GPHN: variants seen among roughly 807,000 people sequenced by gnomAD.
GPHN encodes gephyrin.
A neutral mutation model predicts 95.5 loss-of-function variants in GPHN; 17 were observed. The ratio of observed to expected loss-of-function variants is 0.18; its 90% confidence interval spans 0.12 to 0.27. GPHN has a LOEUF of 0.27. Among genes scored for constraint, GPHN ranks in the 10% least tolerant of loss-of-function variants. The probability of loss-of-function intolerance (pLI) is 1.00; values close to 1 mark genes in which losing one functional copy is unlikely to be tolerated. For synonymous variants in GPHN, 320 were observed against 322.5 expected (o/e 0.99, Z 0.08); for missense variants, 660 against 978.1 (o/e 0.67, Z 4.34).
chr14:66,946,747 A>C (rs905274590), intron 8 of GPHN, among the ~76,000 whole-genome samples: 1 of 152,176 alleles, frequency 6.6e-6, no homozygotes, highest in Non-Finnish European at 1.5e-5. Flanking sequence ...AGTATATTAT[A>C]ACTGTTAGTA....
chr14:66,695,818 A>G (rs572572320), intron 2 of GPHN, among the ~76,000 whole-genome samples: 111 of 152,354 alleles, frequency 7.3e-4, no homozygotes, highest in Non-Finnish European at 1.5e-3. Context: ...AACTATGAAG[A>G]TAGTAAAAGA....
chr14:66,527,554 A>G (rs760505526), intron 1 of GPHN, among the ~76,000 whole-genome samples: 2 of 151,746 alleles, frequency 1.3e-5, no homozygotes. Context: ...TTTAATTGTG[A>G]TGTTAGGGTA....
At chr14:66,756,458 A>T (rs2058557995) in intron 2 of GPHN, among the ~76,000 whole-genome samples, 1 of 152,178 alleles carries the variant, frequency 6.6e-6, no homozygotes, top group Non-Finnish European at 1.5e-5. Flanking sequence ...GAGGGCCAAC[A>T]GAACTCGAGC....
chr14:67,468,561 T>C, the GPHN span, among the ~76,000 whole-genome samples: 1 of 151,914 alleles, frequency 6.6e-6, no homozygotes, highest in South Asian at 2.1e-4. Flanking sequence ...GCCCTTTGGA[T>C]TGGGTGAGGG....
Position 66,740,663 on chromosome 14 carries a change from T to G in GPHN, c.144-35801T>G, listed in dbSNP as rs2072724808. On this transcript the variant is annotated intron_variant, in intron 2 of 22. Coordinates refer to ENST00000478722, the MANE Select transcript of GPHN (RefSeq NM_020806.5). ...TTCCTGTGGTAAGTGCTTATCATAT[T>G]TTTAAAATGACTGATATTTGGCTCT... Among the ~76,000 whole-genome samples, 8 of 152,320 alleles carry G rather than the reference T, an allele frequency of 5.3e-5. No individual in the cohort carries two copies. The South Asian group carries it at 1.7e-3, about 32-fold the overall frequency.
chr14:67,387,416 A>G, the GPHN span: 2 of 1,610,188 alleles, frequency 1.2e-6, no homozygotes, highest in South Asian at 2.2e-5. Flanking sequence ...CATCCTTAGT[A>G]ATCACTTTGA....
At chr14:67,722,741 G>A in the GPHN span, 144 of 1,571,572 alleles carry the variant, frequency 9.2e-5, no homozygotes, top group Non-Finnish European at 1.1e-4. Flanking sequence ...TCAAACAATC[G>A]TTTACAAAGA....
chr14:67,421,659 A>G, the GPHN span, among the ~76,000 whole-genome samples: 149,812 of 152,322 alleles, frequency 0.98, 73,693 homozygotes, highest in East Asian at 1. Flanking sequence ...GATCCTAGCC[A>G]TTAACTCACC....
At chr14:67,225,962 T>TGTGTGCGCGC in the GPHN span, among the ~76,000 whole-genome samples, 8 of 113,518 alleles carry the variant, frequency 7.0e-5, no homozygotes, top group African/African-American at 3.6e-4. Flanking sequence ...TGTGTGTGTG[T>TGTGTGCGCGC]GCGCGCGCGC....
At chr14:67,542,676 C>CTATTTTATTT in the GPHN span, among the ~76,000 whole-genome samples, 37 of 151,870 alleles carry the variant, frequency 2.4e-4, no homozygotes, top group East Asian at 1.9e-3. Flanking sequence ...AGATAACATT[C>CTATTTTATTT]TATTTTATTT....
the GPHN span, chr14:67,724,694 C>T: frequency 2.2e-6 from 2 of 914,130 alleles, no homozygotes; most frequent in African/African-American, 1.6e-5. Context: ...GGCTTGGGGG[C>T]TCTGACTAGA....
the GPHN span, among the ~76,000 whole-genome samples, chr14:67,684,334 G>T: frequency 6.6e-6 from 1 of 152,102 alleles, no homozygotes; most frequent in African/African-American, 2.4e-5. Context: ...TGTGATGCCT[G>T]GGATTTGCTT....
the GPHN span, among the ~76,000 whole-genome samples, chr14:67,328,433 G>C: frequency 2.0e-5 from 3 of 152,188 alleles, no homozygotes; most frequent in Non-Finnish European, 4.4e-5. Context: ...TCTGTAGGTT[G>C]CCTATTCACT....
the GPHN span, among the ~76,000 whole-genome samples, chr14:67,260,484 A>G: frequency 6.6e-6 from 1 of 152,242 alleles, no homozygotes; most frequent in Non-Finnish European, 1.5e-5. Context: ...GGGGCTTGCA[A>G]TTAATAGACA....
intron 1 of GPHN, among the ~76,000 whole-genome samples, chr14:66,521,933 G>C (rs2058500156): frequency 6.6e-6 from 1 of 152,086 alleles, no homozygotes; most frequent in African/African-American, 2.4e-5. Flanking sequence ...CTGAAGTCTT[G>C]ATGCCTTTTT....
At chr14:66,811,464 T>A (rs2060758936) in intron 3 of GPHN, among the ~76,000 whole-genome samples, 1 of 152,032 alleles carries the variant, frequency 6.6e-6, no homozygotes, top group African/African-American at 2.4e-5. Context: ...TACTTTTTTG[T>A]TGATTGAATT....
the GPHN span, chr14:67,302,266 A>T: frequency 9.2e-7 from 1 of 1,091,564 alleles, no homozygotes; most frequent in South Asian, 2.5e-5. Flanking sequence ...ATCTAATTAC[A>T]ATTACTCTAG....
At chr14:66,573,849 G>A (rs939869517) in intron 1 of GPHN, among the ~76,000 whole-genome samples, 1 of 151,978 alleles carries the variant, frequency 6.6e-6, no homozygotes, top group Non-Finnish European at 1.5e-5. Flanking sequence ...CCATTTCCCT[G>A]GGGTACCTTT....
chr14:67,409,183 C>T, the GPHN span, among the ~76,000 whole-genome samples: 1 of 152,018 alleles, frequency 6.6e-6, no homozygotes, highest in Non-Finnish European at 1.5e-5. Context: ...GTCAAGGCTG[C>T]AGTGAGCCTT....
Sources: allele counts gnomAD v4.1 joint callset (sites outside exome capture counted in the v4.1 genomes callset), GRCh38; gene constraint gnomAD v4.1.1; transcripts MANE v1.5; gene names NCBI Gene and HGNC (gene_info 2026-07-23, HGNC 2026-07-21).